Variants in FSTL4 observed in about 807,000 individuals in gnomAD.
FSTL4 encodes follistatin like 4.
Under a neutral mutation model 78.2 loss-of-function variants are expected in FSTL4, and 28 were observed. The ratio of observed to expected loss-of-function variants is 0.36; its 90% CI spans 0.27 to 0.49. FSTL4 has a LOEUF of 0.49. FSTL4 is among the 20% of genes least tolerant of loss of function. The probability of loss-of-function intolerance (pLI) is 0.98; values close to 1 mark genes in which losing one functional copy is unlikely to be tolerated. For missense variants in FSTL4, 922 were observed against 1,084.9 expected, an observed-to-expected ratio of 0.85 and a Z score of 2.11; for synonymous variants, 422 against 440.5, an observed-to-expected ratio of 0.96 and a Z score of 0.53.
chr5:133,634,037 G>C, the FSTL4 span, among the ~76,000 whole-genome samples: 1 of 152,104 alleles, frequency 6.6e-6, no homozygotes. Flanking sequence ...TTGTTACCAA[G>C]GGACAAGTAG....
At chr5:133,600,956 G>A (rs1287787396) in intron 2 of FSTL4, among the ~76,000 whole-genome samples, 1 of 152,242 alleles carries the variant, frequency 6.6e-6, no homozygotes, top group African/African-American at 2.4e-5. Flanking sequence ...GAAACTGCTA[G>A]AGGAGTTTAA....
At chr5:133,389,890 T>C (rs187730553) in intron 4 of FSTL4, among the ~76,000 whole-genome samples, 37 of 152,130 alleles carry the variant, frequency 2.4e-4, no homozygotes, top group African/African-American at 8.7e-4. Context: ...GAGACAAAGA[T>C]GGGGTGGAGG....
At chr5:133,797,374 A>G in the FSTL4 span, among the ~76,000 whole-genome samples, 1 of 152,248 alleles carries the variant, frequency 6.6e-6, no homozygotes, top group Non-Finnish European at 1.5e-5. Context: ...TTGAATTAAG[A>G]TAAGGATGCT....
intron 4 of FSTL4, among the ~76,000 whole-genome samples, chr5:133,322,115 T>G (rs1190894528): frequency 6.6e-6 from 1 of 151,932 alleles, no homozygotes; most frequent in Non-Finnish European, 1.5e-5. Context: ...AGCTGGAAAT[T>G]CCCTATGCTC....
chr5:133,358,642 C>T (rs1034923513), intron 4 of FSTL4, among the ~76,000 whole-genome samples: 1 of 139,376 alleles, frequency 7.2e-6, no homozygotes, highest in Non-Finnish European at 1.5e-5. Context: ...GTCGCCCAGG[C>T]TGGATGGAGT....
At chr5:133,285,736 A>G (rs1392884244) in intron 6 of FSTL4, among the ~76,000 whole-genome samples, 1 of 152,170 alleles carries the variant, frequency 6.6e-6, no homozygotes, top group Non-Finnish European at 1.5e-5. Context: ...GATCACTCAG[A>G]CTATGAGGTC....
At chr5:133,473,096 C>T (rs1757857559) in intron 3 of FSTL4, among the ~76,000 whole-genome samples, 1 of 152,226 alleles carries the variant, frequency 6.6e-6, no homozygotes, top group South Asian at 2.1e-4. Flanking sequence ...TCTTTAGACA[C>T]TTTTCCTCCC....
chr5:133,618,706 T>C, the FSTL4 span, among the ~76,000 whole-genome samples: 1 of 152,196 alleles, frequency 6.6e-6, no homozygotes, highest in Non-Finnish European at 1.5e-5. Context: ...AGTTACCCAG[T>C]TTATCTAAGG....
the FSTL4 span, among the ~76,000 whole-genome samples, chr5:133,776,766 A>G: frequency 1.3e-5 from 2 of 152,166 alleles, no homozygotes; most frequent in Non-Finnish European, 2.9e-5. Flanking sequence ...AAGGTTTTCC[A>G]TAGAGGGAAA....
At chr5:133,366,678 G>C (rs887968501) in intron 4 of FSTL4, among the ~76,000 whole-genome samples, 2 of 151,878 alleles carry the variant, frequency 1.3e-5, no homozygotes, top group African/African-American at 4.8e-5. Flanking sequence ...AAGAAGTCAG[G>C]TGAAACCCAG....
the FSTL4 span, among the ~76,000 whole-genome samples, chr5:133,688,464 G>A: frequency 1.3e-5 from 2 of 152,210 alleles, no homozygotes; most frequent in African/African-American, 4.8e-5. Flanking sequence ...TCTAGAGAAC[G>A]AGAAGAGAAT....
intron 2 of FSTL4, among the ~76,000 whole-genome samples, chr5:133,591,847 G>A (rs1760634792): frequency 6.6e-6 from 1 of 152,114 alleles, no homozygotes; most frequent in Non-Finnish European, 1.5e-5. Context: ...CTAAGCCTGA[G>A]CCCATGAAGG....
intron 4 of FSTL4, among the ~76,000 whole-genome samples, chr5:133,346,534 T>G (rs1754701254): frequency 6.6e-6 from 1 of 152,246 alleles, no homozygotes; most frequent in Non-Finnish European, 1.5e-5. Flanking sequence ...CTTTTACCTC[T>G]GGAAGCTTTG....
chr5:133,646,203 T>A, the FSTL4 span, among the ~76,000 whole-genome samples: 146 of 152,244 alleles, frequency 9.6e-4, 1 homozygote, highest in Admixed American at 2.2e-3. Flanking sequence ...GGAAAGCATC[T>A]TTGAGGAGGT....
chr5:133,772,041 G>A, the FSTL4 span, among the ~76,000 whole-genome samples: 1 of 152,070 alleles, frequency 6.6e-6, no homozygotes, highest in Non-Finnish European at 1.5e-5. Context: ...AATTAATGAA[G>A]ACTGCCAAAA....
chr5:133,351,774 G>T (rs937855711), intron 4 of FSTL4, among the ~76,000 whole-genome samples: 1 of 151,856 alleles, frequency 6.6e-6, no homozygotes, highest in Non-Finnish European at 1.5e-5. Context: ...TGCCCAGCTA[G>T]TTTTTTTATT....
At chr5:133,672,313 T>C in the FSTL4 span, among the ~76,000 whole-genome samples, 1 of 152,234 alleles carries the variant, frequency 6.6e-6, no homozygotes, top group Non-Finnish European at 1.5e-5. Flanking sequence ...ACAGCCCAGG[T>C]CTCTCAGTGT....
rs556269359 is a variant in FSTL4, at chr5:133,274,673, C to T, written c.728-25097G>A. Reference sequence around the variant, plus strand: ...TGACCCAGAAAGCTAATCCTTCCGTCAACACAGCAGTCCTCGCTCCAAAGC... The same window carrying T: ...TGACCCAGAAAGCTAATCCTTCCGTTAACACAGCAGTCCTCGCTCCAAAGC... On this transcript the variant is annotated intron_variant, in intron 6 of 15. Coordinates refer to ENST00000265342, the MANE Select transcript of FSTL4 (RefSeq NM_015082.2). 6.8e-4 allele frequency among the ~76,000 whole-genome samples: 104 copies of T among 152,272 alleles called. 1 individual carries two copies. The highest frequency in any genetic ancestry group is 2.5e-3 in the African/African-American group (102 of 41,548).
chr5:133,783,749 G>A, the FSTL4 span, among the ~76,000 whole-genome samples: 4,332 of 152,254 alleles, frequency 0.028, 189 homozygotes, highest in African/African-American at 0.098. Flanking sequence ...TTGGGGAAAC[G>A]TTCCTTTCTC....
Sources: allele counts gnomAD v4.1 joint callset (sites outside exome capture counted in the v4.1 genomes callset), GRCh38; gene constraint gnomAD v4.1.1; transcripts MANE v1.5; gene names NCBI Gene and HGNC (gene_info 2026-07-23, HGNC 2026-07-21).